Variants in NISCH observed in about 807,000 individuals in gnomAD.
The protein encoded by NISCH is nischarin.
A neutral mutation model predicts 138.4 loss-of-function variants in NISCH; 55 were observed. The ratio of observed to expected loss-of-function variants is 0.40; its 90% CI spans 0.32 to 0.50. The LOEUF (loss-of-function observed/expected upper bound fraction) is 0.50. Ranked by LOEUF, NISCH falls within the 20% of genes least tolerant of loss-of-function variation. The pLI is 0.71. For synonymous variants in NISCH, 860 were observed against 861.5 expected (o/e 1.00, Z 0.03); for missense variants, 1,643 against 2,005.5 (o/e 0.82, Z 3.45).
chr3:52,470,972 G>T, intron 4 of NISCH, 65 bp downstream of exon 4: 1 of 1,541,958 alleles, frequency 6.5e-7, no homozygotes, highest in East Asian at 2.2e-5. Flanking sequence ...GCGGCCAGAG[G>T]CACAGGATGG....
At chr3:52,456,266 A>C (rs1161506490) in intron 1 of NISCH, among the ~76,000 whole-genome samples, 2 of 151,496 alleles carry the variant, frequency 1.3e-5, no homozygotes, top group Non-Finnish European at 2.9e-5. Flanking sequence ...CCTGGGGAGC[A>C]GATGCCTTGG....
At chr3:52,476,360 C>G in intron 7 of NISCH, 87 bp from the exon 8 acceptor site, 1 of 1,463,186 alleles carries the variant, frequency 6.8e-7, no homozygotes, top group East Asian at 2.3e-5. Context: ...TGCTCCAGCC[C>G]TTCCTTAAAT....
At chr3:52,491,737 T>C in intron 20 of NISCH, 135 bp from the exon 21 acceptor site, 1 of 1,250,786 alleles carries the variant, frequency 8.0e-7, no homozygotes, top group Non-Finnish European at 1.1e-6. Flanking sequence ...GCTCCTGGCC[T>C]GTGGGCCCCA....
intron 13 of NISCH, chr3:52,480,653 T>G (rs1578301644): frequency 7.0e-7 from 1 of 1,422,988 alleles, no homozygotes; most frequent in East Asian, 2.6e-5. Context: ...GGCTCCTGGT[T>G]ACAGGAAGCC....
At chr3:52,485,957 T>G in intron 15 of NISCH, 130 bp downstream of exon 15, 2 of 790,304 alleles carry the variant, frequency 2.5e-6, no homozygotes, top group Non-Finnish European at 4.2e-6. Context: ...GAACTATTTC[T>G]TCCTCTAAAG....
At position 52,487,494 on chromosome 3, in the gene NISCH, G is replaced by C; in HGVS notation, c.2002G>C (p.Gly668Arg). 6.2e-7 allele frequency: 1 copy of C among 1,602,462 alleles called. No individual in the cohort carries two copies. The highest frequency in any genetic ancestry group is 8.5e-7 in the Non-Finnish European group (1 of 1,172,392). Reference sequence around the variant, plus strand: ...CCCAGACGTGGAGGAGGAGGAGGGAGGAGGCCAGGGGGAGGAAGAGGAGGA... The same window carrying C: ...CCCAGACGTGGAGGAGGAGGAGGGACGAGGCCAGGGGGAGGAAGAGGAGGA... ...GPPDVEEEEGGGQGEEEEEEE... is the reference protein window; with the variant it reads ...GPPDVEEEEGRGQGEEEEEEE... Residue 668 changes from glycine (G) to arginine (R), a missense_variant, in exon 16 of 21, where the codon GGA (glycine) becomes CGA (arginine). By Grantham distance (125) the Gly-to-Arg change is moderately radical. Coordinates refer to ENST00000345716, the MANE Select transcript of NISCH (RefSeq NM_007184.4). The surrounding 1 kb of genome is among the most constrained non-coding windows in gnomAD (Gnocchi z 9.1).
intron 3 of NISCH, among the ~76,000 whole-genome samples, chr3:52,461,153 G>A (rs899758903): frequency 7.2e-5 from 11 of 152,168 alleles, no homozygotes; most frequent in African/African-American, 2.2e-4. Flanking sequence ...CATGAGAGTC[G>A]CTTGAACCTG....
intron 13 of NISCH, chr3:52,484,206 GT>G (rs2153231612): frequency 3.0e-6 from 1 of 330,354 alleles, no homozygotes; most frequent in East Asian, 5.5e-5. Context: ...ATCTATCCTG[GT>G]TTTTAAAAAA....
intron 3 of NISCH, among the ~76,000 whole-genome samples, chr3:52,468,086 C>CA (rs2153230963): frequency 1.3e-5 from 2 of 151,514 alleles, no homozygotes; most frequent in African/African-American, 4.8e-5. Context: ...ATGGTGAAAC[C>CA]CATCTCTACT....
rs1186495091 is a variant in NISCH, at chr3:52,471,847, C to T, written c.443C>T (p.Ala148Val). The T allele has an allele frequency of 6.2e-7, 1 of 1,613,788 alleles. No homozygotes were observed. Among genetic ancestry groups the T allele is most frequent in the East Asian group, 2.2e-5 (1 of 44,892 alleles). The stretch of plus-strand genomic sequence containing the variant: ...CTCCTGGGGGCCGGCGAGGTCTTTG[C>T]CATTGGACCCCTGCAGCTGTATGCC... ...EQLLGAGEVF[A>V]IGPLQLYAVT... is the part of the protein sequence containing the mutation. The change falls in exon 5 of 21, where the codon GCC becomes GTC. Residue 148 changes from alanine (A) to valine (V), a missense_variant. Ala to Val is a moderately conservative substitution (Grantham distance 64, BLOSUM62 0). Transcript: ENST00000345716.
chr3:52,484,212 A>T (rs994836152), intron 13 of NISCH: 1 of 338,426 alleles, frequency 3.0e-6, no homozygotes, highest in Non-Finnish European at 5.5e-6. Flanking sequence ...CCTGGTTTTT[A>T]AAAAATGTGT....
chr3:52,487,642 A>G lies in NISCH; in HGVS notation c.2150A>G (p.His717Arg), dbSNP rs758874650. The G allele has an allele frequency of 1.2e-6, 2 of 1,613,780 alleles. No homozygotes were observed. The highest frequency in any genetic ancestry group is 1.3e-5 in the African/African-American group (1 of 75,012). Residue 717 changes from histidine to arginine, a missense_variant, in exon 16 of 21, where the codon CAT becomes CGT. Physicochemically the swap from His to Arg is conservative, Grantham distance 29. Transcript: ENST00000345716. The surrounding 1 kb of genome is among the most constrained non-coding windows in gnomAD (Gnocchi z 9.1). ...AAGGTGCTGTGGTGCTTCCTGATCCATGTGCAGGGCAGTATCCGCCAGTTC... is the reference window on the plus strand; with the variant it reads ...AAGGTGCTGTGGTGCTTCCTGATCCGTGTGCAGGGCAGTATCCGCCAGTTC... ...ILKVLWCFLI[H>R]VQGSIRQFAA...
At position 52,477,649 on chromosome 3, in the gene NISCH, C is replaced by G. The variant is rs549337778; in HGVS notation, c.987+7C>G. The G allele has an allele frequency of 6.2e-7, 1 of 1,609,802 alleles. No individual in the cohort carries two copies. Among genetic ancestry groups the G allele is most frequent in the Middle Eastern group, 1.7e-4 (1 of 6,050 alleles). On this transcript the variant is annotated splice_region_variant and intron_variant, in intron 9 of 20. Transcript: ENST00000345716. ...GGTTGTGGACAATCTGCAGGTAGTG[C>G]CTTTGGAGACCAGTGCTGCCCGCAC...
chr3:52,471,633 G>C, intron 4 of NISCH, 181 bp from the exon 5 acceptor site: 1 of 642,704 alleles, frequency 1.6e-6, no homozygotes, highest in Non-Finnish European at 2.8e-6. Context: ...CATGTCTAGG[G>C]TTGCCCTGTG....
At chr3:52,472,429 G>T in intron 6 of NISCH, 31 bp downstream of exon 6, 1 of 1,557,046 alleles carries the variant, frequency 6.4e-7, no homozygotes, top group Non-Finnish European at 8.9e-7. Flanking sequence ...GCATCCTCTC[G>T]CTCCCAACTC....
Position 52,480,072 on chromosome 3 carries a change from A to G in NISCH, c.1417-112A>G, listed in dbSNP as rs1707223993. ...CCTGCTCTAAGGATATGATGAGACCATCTTTACCACCCAGTTGGTGGGAAC... is the reference window on the plus strand; with the variant it reads ...CCTGCTCTAAGGATATGATGAGACCGTCTTTACCACCCAGTTGGTGGGAAC... On this transcript the variant is annotated intron_variant, in intron 12 of 20. Coordinates refer to ENST00000345716, the MANE Select transcript of NISCH (RefSeq NM_007184.4). 7.2e-6 allele frequency: 9 copies of G among 1,244,440 alleles called. No homozygotes were observed. The East Asian group carries it at 9.3e-5, about 13-fold the overall frequency. The allele number at this position is 1,244,440 out of a possible 1,614,324, so 77.1% of individuals were successfully genotyped here.
chr3:52,478,302 A>G lies in NISCH; in HGVS notation c.1173+20A>G, dbSNP rs2109559. 1,526,990 of 1,611,768 alleles carry G rather than the reference A, an allele frequency of 0.95. 723,613 individuals carry two copies. Among genetic ancestry groups the G allele is most frequent in the African/African-American group, 0.99 (74,184 of 74,972 alleles). On this transcript the variant is annotated intron_variant, in intron 10 of 20. Transcript: ENST00000345716. The stretch of plus-strand genomic sequence containing the variant: ...GAACAGGTGAGCCCAAGGACCTCAC[A>G]GTTTTGGGATTTCTGTGCCTTGGTG...
chr3:52,480,349 C>G, intron 13 of NISCH, 54 bp downstream of exon 13: 1 of 1,606,202 alleles, frequency 6.2e-7, no homozygotes, highest in East Asian at 2.3e-5. Flanking sequence ...TGCCTGGGCC[C>G]CCTGGCTGGG....
At chr3:52,461,141 G>C (rs1706620988) in intron 3 of NISCH, among the ~76,000 whole-genome samples, 2 of 152,226 alleles carry the variant, frequency 1.3e-5, no homozygotes, top group Non-Finnish European at 1.5e-5. Flanking sequence ...TCAGGAGAGA[G>C]GCATGAGAGT....
Sources: gnomAD v4.1 joint callset for allele counts (sites outside exome capture counted in the v4.1 genomes callset) on GRCh38, gnomAD v4.1.1 for gene constraint, Gnocchi (gnomAD v3.1) non-coding constraint, MANE v1.5 for transcripts, NCBI Gene and HGNC (gene_info 2026-07-23, HGNC 2026-07-21) for gene names.